The following TMEM116 variants were observed in gnomAD, a reference collection of about 807,000 sequenced individuals.
TMEM116 encodes the protein transmembrane protein 116.
TMEM116 carries 38 observed loss-of-function variants against 44.3 expected under a neutral mutation model. The ratio of observed to expected loss-of-function variants is 0.86; its 90% CI spans 0.66 to 1.12. The LOEUF (loss-of-function observed/expected upper bound fraction) is 1.12. Among genes scored for constraint, TMEM116 ranks in the 50% most tolerant of loss-of-function variants. The pLI, the probability that TMEM116 is intolerant of heterozygous loss-of-function variation, is 0.00. For missense variants in TMEM116, 354 were observed against 401.7 expected (o/e 0.88, Z 1.01); for synonymous variants, 132 against 144.8 (o/e 0.91, Z 0.64).
chr12:111,976,887 A>G (rs1430664811), intron 4 of TMEM116, among the ~76,000 whole-genome samples: 1 of 152,180 alleles, frequency 6.6e-6, no homozygotes, highest in African/African-American at 2.4e-5. Flanking sequence ...AAGCTTTATA[A>G]TATGTAAATA....
chr12:111,982,810 C>T (rs1406572167), intron 4 of TMEM116, among the ~76,000 whole-genome samples: 3 of 152,114 alleles, frequency 2.0e-5, no homozygotes, highest in African/African-American at 7.2e-5. Flanking sequence ...GTGTAAATGA[C>T]ATAGCTAAGC....
chr12:112,005,296 G>A lies in TMEM116; in HGVS notation c.-26C>T. On this transcript the variant is annotated 5_prime_UTR_variant, in exon 2 of 11. Coordinates refer to ENST00000552374, the MANE Select transcript of TMEM116 (RefSeq NM_001193531.2). The stretch of plus-strand genomic sequence containing the variant: ...GACAAATTGTATCCACTGTATTGCA[G>A]GAAGAACCTAAGCAAAACAAGGAAA... 3 of 1,306,332 alleles carry A rather than the reference G, an allele frequency of 2.3e-6. No individual in the cohort carries two copies. The highest frequency in any genetic ancestry group is 2.3e-5 in the South Asian group (1 of 42,942). 80.9% of individuals were successfully genotyped at this position (1,306,332 alleles called of 1,614,324 possible).
Position 112,005,944 on chromosome 12 carries a change from C to T in TMEM116, c.-33-641G>A, listed in dbSNP as rs1050147554. The T allele has an allele frequency of 3.0e-6, 3 of 985,638 alleles. No homozygotes were observed. The African/African-American group carries it at 5.2e-5, about 17-fold the overall frequency. The allele number at this position is 985,638 out of a possible 1,614,324, so 61.1% of individuals were successfully genotyped here. A position where few individuals can be genotyped will look rare whatever the true frequency, so the allele number is the denominator to read the frequency against. ...AAGGAAGACAGGGAGAGCTTCTGAC[C>T]TTACCAAGTCCCAACTGTCCTCCAG... is the stretch of plus-strand genomic sequence containing the variant. On this transcript the variant is annotated intron_variant, in intron 1 of 10. Transcript: ENST00000552374.
intron 3 of TMEM116, chr12:111,993,917 G>T: frequency 1.4e-6 from 1 of 703,362 alleles, no homozygotes. Flanking sequence ...GTATGGAAGG[G>T]AATGTTTGTC....
At position 111,931,793 on chromosome 12, in the gene TMEM116, C is replaced by T. The variant is rs1442785893; in HGVS notation, c.842G>A (p.Cys281Tyr). 1 of 1,572,168 alleles carries T rather than the reference C, an allele frequency of 6.4e-7. No individual in the cohort carries two copies. The highest frequency in any genetic ancestry group is 2.3e-5 in the East Asian group (1 of 44,140). Residue 281 changes from cysteine to tyrosine, a missense_variant, in exon 11 of 11, where the codon TGT becomes TAT. By Grantham distance (194) the Cys-to-Tyr change is radical. Transcript: ENST00000552374. ...GTGCTGCGTCCAGCCATATACTCCA[C>T]AGTTGAGTAGACCCTGAGATGTTGC... ...LTATSQGLLN[C>Y]GVYGWTQHKF...
rs191487366 is a variant in TMEM116 at position 112,002,386 on chromosome 12, T to C, written c.78+1414A>G. Among the ~76,000 whole-genome samples, 844 of 133,568 alleles carry C rather than the reference T, an allele frequency of 6.3e-3. 10 individuals are homozygous for C. The highest frequency in any genetic ancestry group is 0.022 in the African/African-American group (782 of 35,212). 87.6% of individuals were successfully genotyped at this position (133,568 alleles called of 152,430 possible). A position where few individuals can be genotyped will look rare whatever the true frequency, so the allele number is the denominator to read the frequency against. On this transcript the variant is annotated intron_variant, in intron 3 of 10. Coordinates refer to ENST00000552374, the MANE Select transcript of TMEM116 (RefSeq NM_001193531.2). Reference sequence around the variant, plus strand: ...CCAGCCTGGGCAACAAGAGCGAAACTCTGTCTCAAAAAAAAAAAAAAAAAA... The same window carrying C: ...CCAGCCTGGGCAACAAGAGCGAAACCCTGTCTCAAAAAAAAAAAAAAAAAA...
At chr12:111,972,864 A>G (rs1472050895) in intron 4 of TMEM116, among the ~76,000 whole-genome samples, 2 of 151,826 alleles carry the variant, frequency 1.3e-5, no homozygotes, top group Non-Finnish European at 2.9e-5. Flanking sequence ...TGACAAGAGC[A>G]AGACTCTGTC....
chr12:111,998,893 GTCTTTGGC>G (rs2077074078), intron 3 of TMEM116, among the ~76,000 whole-genome samples: 1 of 152,150 alleles, frequency 6.6e-6, no homozygotes, highest in African/African-American at 2.4e-5. Context: ...CATATCAGAA[GTCTTTGGC>G]AGGGCAAAGG....
intron 5 of TMEM116, among the ~76,000 whole-genome samples, chr12:111,939,758 A>G (rs2072520374): frequency 6.6e-6 from 1 of 151,516 alleles, no homozygotes; most frequent in Non-Finnish European, 1.5e-5. Context: ...GGCCCAGGAG[A>G]TTGAGGCAGC....
intron 4 of TMEM116, among the ~76,000 whole-genome samples, chr12:111,988,453 G>A (rs992392956): frequency 1.2e-4 from 18 of 151,954 alleles, no homozygotes; most frequent in African/African-American, 4.4e-4. Flanking sequence ...CAGCACTTTG[G>A]GAGGGTGAGG....
chr12:112,000,905 G>C, intron 3 of TMEM116: 1 of 416,888 alleles, frequency 2.4e-6, no homozygotes, highest in East Asian at 6.5e-5. Context: ...TGTTCTTGAG[G>C]AATTTCTCTT....
intron 4 of TMEM116, among the ~76,000 whole-genome samples, chr12:111,960,110 C>G (rs1379803094): frequency 6.6e-6 from 1 of 152,162 alleles, no homozygotes; most frequent in East Asian, 1.9e-4. Flanking sequence ...ATAAAACACT[C>G]CTCCACAAAT....
At chr12:112,007,135 G>A (rs560600275) in intron 1 of TMEM116, among the ~76,000 whole-genome samples, 3 of 152,260 alleles carry the variant, frequency 2.0e-5, no homozygotes, top group Admixed American at 1.3e-4. Context: ...ATAAAACACG[G>A]CCAGTGTGCT....
At chr12:111,996,589 T>C (rs776383950) in intron 3 of TMEM116, among the ~76,000 whole-genome samples, 2 of 151,918 alleles carry the variant, frequency 1.3e-5, no homozygotes, top group Non-Finnish European at 2.9e-5. Context: ...GCACAACCAG[T>C]TGGAAAAGAG....
intron 4 of TMEM116, among the ~76,000 whole-genome samples, chr12:111,975,650 C>G (rs1033162333): frequency 2.6e-5 from 4 of 152,178 alleles, no homozygotes; most frequent in Non-Finnish European, 5.9e-5. Context: ...GAAGTCACCA[C>G]TCCTATCCTT....
chr12:111,998,833 G>C (rs893581483), intron 3 of TMEM116, among the ~76,000 whole-genome samples: 3 of 152,054 alleles, frequency 2.0e-5, no homozygotes, highest in Admixed American at 1.3e-4. Flanking sequence ...GGCAAAGGGG[G>C]AAAGGGGGAA....
chr12:111,992,219 C>G (rs991128378), intron 3 of TMEM116, among the ~76,000 whole-genome samples: 1 of 151,614 alleles, frequency 6.6e-6, no homozygotes, highest in African/African-American at 2.4e-5. Context: ...TGGAGATGTA[C>G]CACAAGGAGA....
chr12:111,939,989 A>G (rs945130355), intron 5 of TMEM116, among the ~76,000 whole-genome samples: 2 of 145,718 alleles, frequency 1.4e-5, no homozygotes, highest in Non-Finnish European at 3.0e-5. Flanking sequence ...ATCTTAGGCT[A>G]TGGTTGGGCA....
chr12:111,939,485 A>G (rs2136245822), intron 5 of TMEM116, among the ~76,000 whole-genome samples: 1 of 149,584 alleles, frequency 6.7e-6, no homozygotes, highest in Middle Eastern at 3.5e-3. Flanking sequence ...TTATGGCAGA[A>G]GTCTTGCTAG....
Sources: gnomAD v4.1 joint callset for allele counts (sites outside exome capture counted in the v4.1 genomes callset) on GRCh38, gnomAD v4.1.1 for gene constraint, MANE v1.5 for transcripts, NCBI Gene and HGNC (gene_info 2026-07-23, HGNC 2026-07-21) for gene names.